The following NWD2 variants were observed in gnomAD, a reference collection of about 807,000 sequenced individuals.
NWD2 encodes the protein NACHT and WD repeat domain containing 2, also known as NACHT and WD repeat domain-containing protein 2.
A neutral mutation model predicts 132.7 loss-of-function variants in NWD2; 37 were observed. The observed-to-expected ratio is 0.28, with a 90% CI of 0.21 to 0.37. The LOEUF (loss-of-function observed/expected upper bound fraction) is 0.37, where lower values mean the gene tolerates loss of function less well. Ranked by LOEUF, NWD2 falls within the 10% of genes least tolerant of loss-of-function variation. The pLI is 1.00. For synonymous variants in NWD2, 705 were observed against 803.0 expected (o/e 0.88, Z 2.06); for missense variants, 1,592 against 2,122.4 (o/e 0.75, Z 4.91).
chr4:37,259,892 G>A (rs13148228), intron 1 of NWD2, among the ~76,000 whole-genome samples: 11,457 of 152,278 alleles, frequency 0.075, 569 homozygotes, highest in Non-Finnish European at 0.11. Context: ...TGAGATTTCC[G>A]TGAAACTAGA....
chr4:37,279,050 A>G (rs35237603), intron 1 of NWD2, among the ~76,000 whole-genome samples: 24,659 of 152,172 alleles, frequency 0.16, 2,566 homozygotes, highest in South Asian at 0.32. Context: ...AGATAGAGAA[A>G]TACACAAGGT....
intron 2 of NWD2, among the ~76,000 whole-genome samples, chr4:37,326,825 T>G (rs962760817): frequency 1.2e-4 from 19 of 152,182 alleles, no homozygotes; most frequent in Non-Finnish European, 5.9e-5. Context: ...AAGTGCAAAA[T>G]GCACCATTGT....
chr4:37,420,215 A>G (rs1055339386), intron 3 of NWD2, among the ~76,000 whole-genome samples: 4 of 152,208 alleles, frequency 2.6e-5, no homozygotes, highest in African/African-American at 7.2e-5. Flanking sequence ...ACAGCTCTGT[A>G]TAAATGTCTT....
intron 1 of NWD2, among the ~76,000 whole-genome samples, chr4:37,285,198 A>G (rs1031042057): frequency 1.3e-5 from 2 of 152,190 alleles, no homozygotes; most frequent in African/African-American, 2.4e-5. Context: ...TTTAGTTCAT[A>G]TGACTCTTGT....
At chr4:37,407,001 G>T (rs143177526) in intron 3 of NWD2, among the ~76,000 whole-genome samples, 1 of 151,900 alleles carries the variant, frequency 6.6e-6, no homozygotes, top group Admixed American at 6.6e-5. Context: ...ACCAAACACC[G>T]CATGTTCTCA....
At chr4:37,322,633 C>T (rs1719091345) in intron 1 of NWD2, among the ~76,000 whole-genome samples, 1 of 152,096 alleles carries the variant, frequency 6.6e-6, no homozygotes, top group South Asian at 2.1e-4. Context: ...GTGATGTGAT[C>T]TGATTTACAT....
chr4:37,317,341 A>G (rs1776547), intron 1 of NWD2, among the ~76,000 whole-genome samples: 12,105 of 152,170 alleles, frequency 0.08, 1,488 homozygotes, highest in African/African-American at 0.26. Context: ...CAGGCCCTCA[A>G]TGACTGTTTA....
At chr4:37,375,231 A>C (rs562833092) in intron 3 of NWD2, among the ~76,000 whole-genome samples, 2 of 152,348 alleles carry the variant, frequency 1.3e-5, no homozygotes, top group East Asian at 3.9e-4. Flanking sequence ...TAATCTTTAT[A>C]GTCATGCCTA....
intron 3 of NWD2, among the ~76,000 whole-genome samples, chr4:37,365,433 A>G (rs983016922): frequency 6.6e-6 from 1 of 152,226 alleles, no homozygotes; most frequent in African/African-American, 2.4e-5. Context: ...TGAACTGGAA[A>G]GTCATCTAAA....
intron 1 of NWD2, among the ~76,000 whole-genome samples, chr4:37,259,307 A>C (rs1052022745): frequency 6.6e-6 from 1 of 152,240 alleles, no homozygotes; most frequent in Admixed American, 6.5e-5. Context: ...TATAAAAGCA[A>C]AGCATTGCTG....
chr4:37,401,798 T>G (rs1045257898), intron 3 of NWD2, among the ~76,000 whole-genome samples: 2 of 152,238 alleles, frequency 1.3e-5, no homozygotes, highest in East Asian at 3.8e-4. Context: ...ACCTCTGAAC[T>G]TCTGCCCTTG....
intron 2 of NWD2, among the ~76,000 whole-genome samples, chr4:37,333,118 C>A (rs1251229870): frequency 1.3e-5 from 2 of 152,172 alleles, no homozygotes; most frequent in Non-Finnish European, 2.9e-5. Context: ...ACTCCAGGCC[C>A]TGGCTCATGA....
At chr4:37,409,476 A>G (rs1322652052) in intron 3 of NWD2, among the ~76,000 whole-genome samples, 2 of 152,056 alleles carry the variant, frequency 1.3e-5, no homozygotes, top group Non-Finnish European at 2.9e-5. Flanking sequence ...ATAAAAAGGA[A>G]TGAACAAAGA....
chr4:37,415,759 G>A (rs1711579348), intron 3 of NWD2, among the ~76,000 whole-genome samples: 1 of 149,704 alleles, frequency 6.7e-6, no homozygotes, highest in South Asian at 2.1e-4. Flanking sequence ...TTAAAAATGC[G>A]AAAGTCCAGT....
intron 2 of NWD2, among the ~76,000 whole-genome samples, chr4:37,340,528 C>A (rs1472181315): frequency 1.3e-5 from 2 of 152,128 alleles, no homozygotes; most frequent in Non-Finnish European, 2.9e-5. Context: ...TTGTAAACAA[C>A]AGTGACCAGG....
At chr4:37,366,645 A>G (rs1720103900) in intron 3 of NWD2, among the ~76,000 whole-genome samples, 1 of 152,160 alleles carries the variant, frequency 6.6e-6, no homozygotes, top group South Asian at 2.1e-4. Context: ...GAGTAAAATG[A>G]TAAAAGTATG....
intron 3 of NWD2, among the ~76,000 whole-genome samples, chr4:37,360,654 A>G (rs1420689058): frequency 6.6e-6 from 1 of 152,132 alleles, no homozygotes; most frequent in African/African-American, 2.4e-5. Flanking sequence ...CAAAGTGTGG[A>G]AAGGTCAACA....
At chr4:37,313,113 G>C (rs576829161) in intron 1 of NWD2, among the ~76,000 whole-genome samples, 2 of 151,180 alleles carry the variant, frequency 1.3e-5, no homozygotes, top group East Asian at 3.9e-4. Flanking sequence ...TCTCTTCCTG[G>C]CTTTGGTATC....
At chr4:37,368,342 G>A (rs565450789) in intron 3 of NWD2, among the ~76,000 whole-genome samples, 6 of 152,148 alleles carry the variant, frequency 3.9e-5, no homozygotes, top group African/African-American at 9.6e-5. Flanking sequence ...TATATCCAAC[G>A]AACCTAAAGT....
Sources: gnomAD v4.1 joint callset for allele counts (sites outside exome capture counted in the v4.1 genomes callset) on GRCh38, gnomAD v4.1.1 for gene constraint, MANE v1.5 for transcripts, NCBI Gene and HGNC (gene_info 2026-07-23, HGNC 2026-07-21) for gene names.